The following ERC2 variants were observed in gnomAD, a reference collection of about 807,000 sequenced individuals.
The protein encoded by ERC2 is ELKS/RAB6-interacting/CAST family member 2, also known as ERC protein 2.
ERC2 carries 42 observed loss-of-function variants against 114.8 expected under a neutral mutation model. The observed-to-expected ratio is 0.37, with a 90% CI of 0.29 to 0.47. The LOEUF (loss-of-function observed/expected upper bound fraction) is 0.47, where lower values mean the gene tolerates loss of function less well. ERC2 is among the 20% of genes least tolerant of loss of function. ERC2 has a pLI of 0.99. For synonymous variants in ERC2, 454 were observed against 425.5 expected (o/e 1.07, Z -0.82); for missense variants, 939 against 1,150.7 (o/e 0.82, Z 2.66).
intron 14 of ERC2, among the ~76,000 whole-genome samples, chr3:55,737,741 T>C (rs987486575): frequency 6.6e-6 from 1 of 152,218 alleles, no homozygotes; most frequent in South Asian, 2.1e-4. Flanking sequence ...CAATTCTCTA[T>C]GAGTCTCTCA....
chr3:56,089,040 A>C (rs182708689), intron 6 of ERC2, among the ~76,000 whole-genome samples: 236 of 152,284 alleles, frequency 1.5e-3, no homozygotes, highest in Non-Finnish European at 2.7e-3. Flanking sequence ...ATATTGTTTG[A>C]CATTTACTTA....
chr3:55,714,686 T>TACACAC (rs1559539102), intron 15 of ERC2, among the ~76,000 whole-genome samples: 9 of 24,414 alleles, frequency 3.7e-4, no homozygotes, highest in African/African-American at 9.2e-4. Context: ...TATATATATA[T>TACACAC]ATATATATAT....
chr3:55,695,907 TA>T (rs1167003886), intron 16 of ERC2, among the ~76,000 whole-genome samples: 1 of 152,220 alleles, frequency 6.6e-6, no homozygotes, highest in Non-Finnish European at 1.5e-5. Flanking sequence ...TTCTTTCTTA[TA>T]TGACTTTTTA....
At chr3:56,265,726 T>C (rs533771601) in intron 3 of ERC2, among the ~76,000 whole-genome samples, 3 of 152,248 alleles carry the variant, frequency 2.0e-5, no homozygotes, top group African/African-American at 7.2e-5. Flanking sequence ...ATTCAAAATA[T>C]ATGAGAAACA....
intron 11 of ERC2, among the ~76,000 whole-genome samples, chr3:55,987,400 T>C (rs916448635): frequency 1.3e-5 from 2 of 152,214 alleles, no homozygotes; most frequent in African/African-American, 4.8e-5. Flanking sequence ...CCAGTTTTCA[T>C]CAAATTCTCA....
At chr3:55,781,145 T>C (rs2069007404) in intron 14 of ERC2, among the ~76,000 whole-genome samples, 1 of 152,140 alleles carries the variant, frequency 6.6e-6, no homozygotes, top group African/African-American at 2.4e-5. Flanking sequence ...CACTGAGCAC[T>C]CTGTCAACAC....
At chr3:55,952,887 CT>C (rs760864646) in intron 12 of ERC2, among the ~76,000 whole-genome samples, 11 of 152,122 alleles carry the variant, frequency 7.2e-5, no homozygotes, top group Non-Finnish European at 1.5e-5. Context: ...TCCCTTAAAG[CT>C]TTCCTGAATT....
chr3:56,030,270 A>C (rs930291485), intron 7 of ERC2, among the ~76,000 whole-genome samples: 1 of 152,204 alleles, frequency 6.6e-6, no homozygotes, highest in African/African-American at 2.4e-5. Context: ...ACTTGCAAAT[A>C]ATGCATTTCA....
intron 17 of ERC2, among the ~76,000 whole-genome samples, chr3:55,547,342 T>G (rs1465269307): frequency 6.6e-6 from 1 of 152,246 alleles, no homozygotes; most frequent in African/African-American, 2.4e-5. Flanking sequence ...CGGGCCATGT[T>G]TGCAGCCCAG....
chr3:56,225,208 C>G (rs2050172812), intron 3 of ERC2, among the ~76,000 whole-genome samples: 1 of 151,990 alleles, frequency 6.6e-6, no homozygotes, highest in South Asian at 2.1e-4. Flanking sequence ...CAAAAGGATC[C>G]CTGAAGGTAT....
intron 3 of ERC2, among the ~76,000 whole-genome samples, chr3:56,279,863 G>C (rs2054233657): frequency 6.6e-6 from 1 of 152,196 alleles, no homozygotes; most frequent in South Asian, 2.1e-4. Context: ...ATAGGGCTTA[G>C]TGATATATTG....
At chr3:56,340,977 T>C (rs1483183266) in intron 2 of ERC2, among the ~76,000 whole-genome samples, 1 of 152,110 alleles carries the variant, frequency 6.6e-6, no homozygotes, top group African/African-American at 2.4e-5. Flanking sequence ...TTCCACTTCT[T>C]TGGGGGGGAA....
At chr3:56,195,700 A>C (rs1369294891) in intron 3 of ERC2, among the ~76,000 whole-genome samples, 1 of 151,946 alleles carries the variant, frequency 6.6e-6, no homozygotes, top group East Asian at 1.9e-4. Flanking sequence ...ATGGTGGTGT[A>C]CCTGTAGTCC....
intron 14 of ERC2, among the ~76,000 whole-genome samples, chr3:55,775,439 G>A (rs61500900): frequency 0.1 from 15,594 of 151,788 alleles, 1,618 homozygotes; most frequent in African/African-American, 0.26. Flanking sequence ...GATGAGGTGG[G>A]AAGATCACTT....
At chr3:55,864,168 C>CACATATATATATACACATATATATAT (rs2062175829) in intron 14 of ERC2, among the ~76,000 whole-genome samples, 1 of 114,372 alleles carries the variant, frequency 8.7e-6, no homozygotes, top group Non-Finnish European at 1.8e-5. Flanking sequence ...CATATATATA[C>CACATATATATATACACATATATATAT]ACATATATAT....
intron 2 of ERC2, among the ~76,000 whole-genome samples, chr3:56,311,553 C>A (rs150833381): frequency 0.02 from 3,001 of 151,716 alleles, 35 homozygotes; most frequent in Non-Finnish European, 0.03. Flanking sequence ...CCCGCCTCGG[C>A]CTTCTAAAGT....
intron 14 of ERC2, among the ~76,000 whole-genome samples, chr3:55,746,348 C>T (rs1187905339): frequency 1.3e-5 from 2 of 152,082 alleles, no homozygotes; most frequent in Admixed American, 6.5e-5. Flanking sequence ...ATTCTCCTGC[C>T]TCAGCCTCCC....
At chr3:55,611,221 T>C (rs2058895935) in intron 17 of ERC2, among the ~76,000 whole-genome samples, 1 of 152,170 alleles carries the variant, frequency 6.6e-6, no homozygotes, top group African/African-American at 2.4e-5. Flanking sequence ...TCCTTCAGGA[T>C]TGGTTTGAAT....
At chr3:56,243,155 A>G (rs951130478) in intron 3 of ERC2, among the ~76,000 whole-genome samples, 10 of 152,290 alleles carry the variant, frequency 6.6e-5, no homozygotes, top group Admixed American at 6.5e-4. Flanking sequence ...ACCAAGAACA[A>G]TATATAACAA....
Sources: gnomAD v4.1 joint callset for allele counts (sites outside exome capture counted in the v4.1 genomes callset) on GRCh38, gnomAD v4.1.1 for gene constraint, MANE v1.5 for transcripts, NCBI Gene and HGNC (gene_info 2026-07-23, HGNC 2026-07-21) for gene names.